Variants in ROBO2 observed in about 807,000 individuals in gnomAD.
The protein encoded by ROBO2 is roundabout homolog 2.
In ROBO2, 53 loss-of-function variants were observed where a neutral mutation model predicts 160.8. The ratio of observed to expected loss-of-function variants is 0.33; its 90% confidence interval spans 0.26 to 0.41. The LOEUF (loss-of-function observed/expected upper bound fraction) is 0.41. Among genes scored for constraint, ROBO2 ranks in the 10% least tolerant of loss-of-function variants. The pLI, the probability that ROBO2 is intolerant of heterozygous loss-of-function variation, is 1.00. For synonymous variants in ROBO2, 664 were observed against 611.7 expected (o/e 1.09, Z -1.26); for missense variants, 1,577 against 1,722.4 (o/e 0.92, Z 1.49).
At chr3:76,566,658 C>T (rs554526581) in intron 2 of ROBO2, among the ~76,000 whole-genome samples, 1 of 152,164 alleles carries the variant, frequency 6.6e-6, no homozygotes, top group East Asian at 1.9e-4. Flanking sequence ...TTCTTTTAGT[C>T]ATTAATGTTT....
At chr3:77,271,008 A>T (rs917331002) in intron 2 of ROBO2, among the ~76,000 whole-genome samples, 2 of 151,772 alleles carry the variant, frequency 1.3e-5, no homozygotes, top group East Asian at 3.9e-4. Flanking sequence ...TATGTATATG[A>T]TTTTATGAGA....
At chr3:77,078,249 CAT>C (rs2068223384) in intron 1 of ROBO2, among the ~76,000 whole-genome samples, 1 of 152,120 alleles carries the variant, frequency 6.6e-6, no homozygotes, top group Non-Finnish European at 1.5e-5. Context: ...AGTTTAAAAA[CAT>C]ATTTGAAAAC....
intron 2 of ROBO2, among the ~76,000 whole-genome samples, chr3:77,125,204 C>A (rs191396953): frequency 1.2e-3 from 187 of 152,186 alleles, no homozygotes; most frequent in African/African-American, 4.3e-3. Flanking sequence ...AGTGGAAAAA[C>A]CATATTAACT....
chr3:76,026,850 T>C (rs2066763124), intron 2 of ROBO2, among the ~76,000 whole-genome samples: 1 of 151,878 alleles, frequency 6.6e-6, no homozygotes, highest in Non-Finnish European at 1.5e-5. Context: ...TATATAGATA[T>C]TTGAGTGAAA....
chr3:76,020,410 A>G (rs888184019), intron 2 of ROBO2, among the ~76,000 whole-genome samples: 2 of 151,660 alleles, frequency 1.3e-5, no homozygotes, highest in African/African-American at 2.4e-5. Flanking sequence ...CTTGCTTCGT[A>G]TGTTCCTCTT....
At chr3:77,439,988 T>C (rs1302608360) in intron 2 of ROBO2, among the ~76,000 whole-genome samples, 1 of 152,140 alleles carries the variant, frequency 6.6e-6, no homozygotes, top group Non-Finnish European at 1.5e-5. Context: ...CAACATAATA[T>C]GCAAACAAAA....
rs975118300 is a variant in ROBO2 at position 76,369,315 on chromosome 3, G to A, written c.109+431713G>A. Among the ~76,000 whole-genome samples, 176 of 151,980 alleles carry A rather than the reference G, an allele frequency of 1.2e-3. 1 individual carries two copies. Among genetic ancestry groups the A allele is most frequent in the Non-Finnish European group, 1.5e-4 (10 of 67,902 alleles). On this transcript the variant is annotated intron_variant, in intron 2 of 26. Coordinates refer to the ROBO2 transcript ENST00000487694. ...AGTTGTCACAATCTCCTGGTTCCCC[G>A]GTTTCCACGCTCTCTTCTCTGGAGA...
chr3:77,238,834 G>A lies in ROBO2; in HGVS notation c.388+140494G>A, dbSNP rs369400976. 9.9e-5 allele frequency among the ~76,000 whole-genome samples: 15 copies of A among 152,120 alleles called. 1 individual carries two copies. The highest frequency in any genetic ancestry group is 3.9e-4 in the Admixed American group (6 of 15,282). ...GCTATGTACATGGCATCATAGTGAC[G>A]TAGATGTTTACACTGGAGCAATTCT... is the stretch of plus-strand genomic sequence containing the variant. On this transcript the variant is annotated intron_variant, in intron 2 of 25. Coordinates refer to ENST00000461745, the Ensembl canonical transcript of ROBO2.
At chr3:76,306,207 T>A (rs2071334817) in intron 2 of ROBO2, among the ~76,000 whole-genome samples, 1 of 152,128 alleles carries the variant, frequency 6.6e-6, no homozygotes, top group South Asian at 2.1e-4. Flanking sequence ...GTGAGTATAA[T>A]CAGTGAGATT....
At chr3:76,837,426 G>T (rs2067800532) in intron 2 of ROBO2, among the ~76,000 whole-genome samples, 1 of 151,676 alleles carries the variant, frequency 6.6e-6, no homozygotes, top group East Asian at 1.9e-4. Flanking sequence ...TATTGAAAGA[G>T]TTGAGGTTTT....
At chr3:76,283,900 G>T (rs1243394006) in intron 2 of ROBO2, among the ~76,000 whole-genome samples, 4 of 151,940 alleles carry the variant, frequency 2.6e-5, no homozygotes, top group Admixed American at 6.6e-5. Flanking sequence ...TTATGAAGAG[G>T]TTCCTTTCTT....
chr3:76,606,509 T>C (rs2087668854), intron 2 of ROBO2, among the ~76,000 whole-genome samples: 1 of 152,176 alleles, frequency 6.6e-6, no homozygotes, highest in African/African-American at 2.4e-5. Context: ...CTAAATGTAA[T>C]TATTATTTTA....
At chr3:76,541,544 G>C (rs2082817933) in intron 2 of ROBO2, among the ~76,000 whole-genome samples, 1 of 152,144 alleles carries the variant, frequency 6.6e-6, no homozygotes, top group Admixed American at 6.5e-5. Flanking sequence ...ATAAGGGCCA[G>C]GGATGTAAAG....
At chr3:75,960,308 T>C (rs1948865572) in intron 2 of ROBO2, among the ~76,000 whole-genome samples, 1 of 151,848 alleles carries the variant, frequency 6.6e-6, no homozygotes, top group African/African-American at 2.4e-5. Flanking sequence ...CTCAAGTTGT[T>C]ATCTATGAGT....
Position 76,091,137 on chromosome 3 carries a change from C to T in ROBO2, c.109+153535C>T, listed in dbSNP as rs553407801. Among the ~76,000 whole-genome samples the T allele has an allele frequency of 2.0e-5, 3 of 152,150 alleles. No individual in the cohort carries two copies. The East Asian group carries it at 5.8e-4, about 29-fold the overall frequency. Reference sequence around the variant, plus strand: ...TGGAAACTTTTGCTCATCACAGCCACCATGAAGAGGAGAAGATAAGCTGCC... The same window carrying T: ...TGGAAACTTTTGCTCATCACAGCCATCATGAAGAGGAGAAGATAAGCTGCC... On this transcript the variant is annotated intron_variant, in intron 2 of 26. Coordinates refer to the ROBO2 transcript ENST00000487694.
chr3:76,040,282 A>G (rs759834135), intron 2 of ROBO2, among the ~76,000 whole-genome samples: 15 of 151,900 alleles, frequency 9.9e-5, no homozygotes, highest in Non-Finnish European at 1.8e-4. Context: ...CTTCAAATTT[A>G]GGATGGTAAA....
chr3:77,575,185 C>T (rs2093730368), intron 14 of ROBO2, among the ~76,000 whole-genome samples: 1 of 152,044 alleles, frequency 6.6e-6, no homozygotes, highest in South Asian at 2.1e-4. Flanking sequence ...AGGGCACTTG[C>T]GTATTTGCAG....
intron 1 of ROBO2, among the ~76,000 whole-genome samples, chr3:75,912,847 T>G (rs1315907952): frequency 6.6e-6 from 1 of 152,328 alleles, no homozygotes; most frequent in East Asian, 1.9e-4. Flanking sequence ...TACCACTTCA[T>G]TTCTCTTTTC....
chr3:76,431,534 G>C (rs1291884898), intron 2 of ROBO2, among the ~76,000 whole-genome samples: 2 of 152,108 alleles, frequency 1.3e-5, no homozygotes, highest in Non-Finnish European at 2.9e-5. Flanking sequence ...AAGCATTAAT[G>C]CCAGTGGATT....
Sources: gnomAD v4.1 joint callset for allele counts (sites outside exome capture counted in the v4.1 genomes callset) on GRCh38, gnomAD v4.1.1 for gene constraint, MANE v1.5 for transcripts, NCBI Gene and HGNC (gene_info 2026-07-23, HGNC 2026-07-21) for gene names.